The following ZNF366 variants were observed in gnomAD, a reference collection of about 807,000 sequenced individuals.
ZNF366 encodes zinc finger protein 366.
ZNF366 carries 20 observed loss-of-function variants against 47.2 expected under a neutral mutation model. The ratio of observed to expected loss-of-function variants is 0.42; its 90% CI spans 0.30 to 0.62. The LOEUF is 0.62. ZNF366 is among the 20% of genes least tolerant of loss of function. The pLI is 0.16. For missense variants in ZNF366, 987 were observed against 976.3 expected (o/e 1.01, Z -0.15); for synonymous variants, 421 against 395.1 (o/e 1.07, Z -0.78).
At chr5:72,502,515 A>G (rs538398724) in intron 1 of ZNF366, among the ~76,000 whole-genome samples, 25 of 152,342 alleles carry the variant, frequency 1.6e-4, no homozygotes, top group Admixed American at 1.4e-3. Flanking sequence ...GGAAATTTAG[A>G]ACAACTTTTT....
At chr5:72,504,246 G>A (rs1243871121) in intron 1 of ZNF366, among the ~76,000 whole-genome samples, 2 of 151,948 alleles carry the variant, frequency 1.3e-5, no homozygotes, top group Non-Finnish European at 2.9e-5. Context: ...GTCACTTTAA[G>A]TCCTTTCCTC....
At chr5:72,483,990 C>T (rs1392397957) in intron 1 of ZNF366, among the ~76,000 whole-genome samples, 1 of 152,044 alleles carries the variant, frequency 6.6e-6, no homozygotes, top group Non-Finnish European at 1.5e-5. Context: ...AATATCTGTC[C>T]TTATACTTAG....
chr5:72,472,588 T>C (rs1460845474), intron 1 of ZNF366: 8 of 984,240 alleles, frequency 8.1e-6, no homozygotes, highest in Non-Finnish European at 8.4e-6. Flanking sequence ...AGTCCAAAAA[T>C]GAACTGCAGT....
rs751986340 is a variant in ZNF366 at position 72,460,652 on chromosome 5, G to C, written c.845C>G (p.Ala282Gly). ...ILGHSGIKPH[A>G]CTHCGKLFKQ... ...GAAGAGCTTCCCGCAGTGCGTGCAC[G>C]CGTGCGGCTTGATCCCACTGTGGCC... The change falls in exon 2 of 5, where the codon GCG becomes GGG. Residue 282 changes from alanine to glycine, a missense_variant. Coordinates refer to ENST00000318442, the MANE Select transcript of ZNF366 (RefSeq NM_152625.3). 2 of 1,614,230 alleles carry C rather than the reference G, an allele frequency of 1.2e-6. No homozygotes were observed. The highest frequency in any genetic ancestry group is 4.5e-5 in the East Asian group (2 of 44,886).
At chr5:72,460,103 C>T (rs1371865703) in intron 2 of ZNF366, 62 bp downstream of exon 2, 7 of 1,564,790 alleles carry the variant, frequency 4.5e-6, no homozygotes, top group Admixed American at 1.8e-5. Flanking sequence ...CCCCAGTGCT[C>T]TGCTCAGGGC....
Position 72,461,468 on chromosome 5 carries a change from T to C in ZNF366, c.29A>G (p.Asp10Gly). The C allele has an allele frequency of 6.4e-7, 1 of 1,571,216 alleles. No homozygotes were observed. Among genetic ancestry groups the C allele is most frequent in the Non-Finnish European group, 8.6e-7 (1 of 1,156,264 alleles). MQKEMKMIKDEDVHFDLAVK... is the reference protein window; with the variant it reads MQKEMKMIKGEDVHFDLAVK... The stretch of plus-strand genomic sequence containing the variant: ...AGCCAAGTCGAAATGCACATCCTCG[T>C]CTTTGATCATCTTCATTTCCTTCTG... Residue 10 changes from aspartate (D) to glycine (G), a missense_variant, in exon 2 of 5, where the codon GAC becomes GGC. Asp to Gly is a moderately conservative substitution (Grantham distance 94). Coordinates refer to ENST00000318442, the MANE Select transcript of ZNF366 (RefSeq NM_152625.3).
At chr5:72,473,368 A>T (rs1013565707) in intron 1 of ZNF366, among the ~76,000 whole-genome samples, 1 of 152,240 alleles carries the variant, frequency 6.6e-6, no homozygotes, top group South Asian at 2.1e-4. Flanking sequence ...AAGAAAATGT[A>T]TTCAGAGTTC....
At chr5:72,460,123 C>T in intron 2 of ZNF366, 42 bp downstream of exon 2, 2 of 1,593,050 alleles carry the variant, frequency 1.3e-6, no homozygotes, top group Non-Finnish European at 1.7e-6. Flanking sequence ...CCCCGCTCCT[C>T]TTCCCAAGGC....
rs1468935594 is a variant in ZNF366 at position 72,442,093 on chromosome 5, T to C, written c.*1663A>G. 1 of 152,182 alleles carries C rather than the reference T, an allele frequency of 6.6e-6. No homozygotes were observed. Among genetic ancestry groups the C allele is most frequent in the Non-Finnish European group, 1.5e-5 (1 of 68,058 alleles). 9.4% of individuals were successfully genotyped at this position (152,182 alleles called of 1,614,324 possible). Reference sequence around the variant, plus strand: ...ACCATAAACATCACAGGCATCATCTTCTAGTATAATGTAAAAAGTGTGTAT... The same window carrying C: ...ACCATAAACATCACAGGCATCATCTCCTAGTATAATGTAAAAAGTGTGTAT... On this transcript the variant is annotated 3_prime_UTR_variant, in exon 5 of 5. Transcript: ENST00000318442.
In ZNF366 at chr5:72,479,846, A is replaced by G. The variant is rs918525183; in HGVS notation, c.-14-18336T>C. On this transcript the variant is annotated intron_variant, in intron 1 of 4. Transcript: ENST00000318442. ...GAGACAGCTTAGATGACTGGAAGGT[A>G]TAAGACTGGAGACAGGGATTGGACT... is the stretch of plus-strand genomic sequence containing the variant. 2.6e-5 allele frequency among the ~76,000 whole-genome samples: 4 copies of G among 152,278 alleles called. 1 individual carries two copies. Among genetic ancestry groups the G allele is most frequent in the South Asian group, 2.1e-4 (1 of 4,832 alleles).
intron 1 of ZNF366, chr5:72,494,253 G>A (rs995415921): frequency 6.6e-6 from 1 of 152,150 alleles, no homozygotes; most frequent in East Asian, 1.9e-4. Context: ...TAGGACTTCA[G>A]CCGAATCCTT....
chr5:72,447,236 T>A lies in ZNF366; in HGVS notation c.1699+7A>T. On this transcript the variant is annotated splice_region_variant and intron_variant, in intron 4 of 4. Coordinates refer to ENST00000318442, the MANE Select transcript of ZNF366 (RefSeq NM_152625.3). ...TGACTTGCAGGGCTTCCCAGAAGAG[T>A]GATTACCTTGGGAATGAAGGCCCCG... 6.2e-7 allele frequency: 1 copy of A among 1,613,610 alleles called. No individual in the cohort carries two copies. The highest frequency in any genetic ancestry group is 1.1e-5 in the South Asian group (1 of 91,018).
intron 1 of ZNF366, among the ~76,000 whole-genome samples, chr5:72,479,975 G>A (rs1053093098): frequency 6.6e-6 from 1 of 152,198 alleles, no homozygotes; most frequent in African/African-American, 2.4e-5. Context: ...ATTTAAGGAG[G>A]AGATGCAAGC....
chr5:72,483,171 A>C (rs779579915), intron 1 of ZNF366, among the ~76,000 whole-genome samples: 24 of 152,174 alleles, frequency 1.6e-4, no homozygotes, highest in Non-Finnish European at 1.3e-4. Context: ...AGGTACCTGA[A>C]GGTGTCAATC....
intron 3 of ZNF366, among the ~76,000 whole-genome samples, chr5:72,451,514 T>C (rs1043920076): frequency 1.3e-5 from 2 of 152,188 alleles, no homozygotes; most frequent in Admixed American, 6.5e-5. Flanking sequence ...AAGGTTGTTG[T>C]GAGGATCAAG....
rs764432259 is a variant in ZNF366, at chr5:72,460,773, A to G, written c.724T>C (p.Tyr242His). Residue 242 changes from tyrosine (Y) to histidine (H), a missense_variant, in exon 2 of 5, where the codon TAC becomes CAC. Transcript: ENST00000318442. ...TGCGAGCCGCCCACGTCCACGTAGT[A>G]GCTGTCATCGATCTGCACGTTCACG... is the stretch of plus-strand genomic sequence containing the variant. Reference protein sequence around the residue: ...VDVNVQIDDSYYVDVGGSQKR... With the variant: ...VDVNVQIDDSHYVDVGGSQKR... The G allele has an allele frequency of 5.0e-6, 8 of 1,614,196 alleles. No individual in the cohort carries two copies. The highest frequency in any genetic ancestry group is 6.8e-6 in the Non-Finnish European group (8 of 1,180,044).
chr5:72,458,311 CG>C (rs1743232587), intron 2 of ZNF366, among the ~76,000 whole-genome samples: 1 of 152,166 alleles, frequency 6.6e-6, no homozygotes, highest in Non-Finnish European at 1.5e-5. Context: ...CCACCGCGCC[CG>C]GCCAGCATCT....
chr5:72,461,116 C>G lies in ZNF366; in HGVS notation c.381G>C (p.Gln127His), dbSNP rs1462826657. Residue 127 changes from glutamine (Q) to histidine (H), a missense_variant, in exon 2 of 5, where the codon CAG becomes CAC. Physicochemically the swap from Gln to His is conservative, Grantham distance 24. Coordinates refer to ENST00000318442, the MANE Select transcript of ZNF366 (RefSeq NM_152625.3). ...AGCCCACGTTGCACAGGTCGATCAT[C>G]TGAGAGTCATACTTGGGGCGCGGGG... ...PQPPRPKYDSQMIDLCNVGFQ... is the reference protein window; with the variant it reads ...PQPPRPKYDSHMIDLCNVGFQ... 1 of 1,614,082 alleles carries G rather than the reference C, an allele frequency of 6.2e-7. No individual in the cohort carries two copies. Among genetic ancestry groups the G allele is most frequent in the African/African-American group, 1.3e-5 (1 of 75,020 alleles).
At chr5:72,475,675 G>A (rs572685366) in intron 1 of ZNF366, among the ~76,000 whole-genome samples, 106 of 152,292 alleles carry the variant, frequency 7.0e-4, no homozygotes, top group Admixed American at 3.1e-3. Flanking sequence ...ATATCATGTT[G>A]GAGTGAGGTA....
Sources: gnomAD v4.1 joint callset for allele counts (sites outside exome capture counted in the v4.1 genomes callset) on GRCh38, gnomAD v4.1.1 for gene constraint, MANE v1.5 for transcripts, NCBI Gene and HGNC (gene_info 2026-07-23, HGNC 2026-07-21) for gene names.